Variants in UBE2Q2 observed in about 807,000 individuals in gnomAD.
UBE2Q2 encodes the protein ubiquitin-conjugating enzyme E2 Q2.
UBE2Q2 carries 54 observed loss-of-function variants against 59.9 expected under a neutral mutation model. That is an observed-to-expected ratio of 0.90 (90% confidence interval 0.72 to 1.13). The LOEUF is 1.13. Ranked by LOEUF, UBE2Q2 falls within the 50% of genes most tolerant of loss-of-function variation. The pLI is 0.00. For synonymous variants in UBE2Q2, 165 were observed against 155.2 expected (o/e 1.06, Z -0.47); for missense variants, 433 against 441.9 (o/e 0.98, Z 0.18).
chr15:75,899,523 A>G lies in UBE2Q2; in HGVS notation c.*65A>G, dbSNP rs906379449. 7.0e-7 allele frequency: 1 copy of G among 1,420,452 alleles called. No individual in the cohort carries two copies. Among genetic ancestry groups the G allele is most frequent in the Non-Finnish European group, 9.7e-7 (1 of 1,029,122 alleles). 88.0% of individuals were successfully genotyped at this position (1,420,452 alleles called of 1,614,324 possible). On this transcript the variant is annotated 3_prime_UTR_variant, in exon 13 of 13. Coordinates refer to ENST00000267938, the MANE Select transcript of UBE2Q2 (RefSeq NM_173469.4). ...AAGAAAATCTTTCTAACATGCAGACAAAAGCTTTGAGTGCCCCTATTACAG... is the reference window on the plus strand; with the variant it reads ...AAGAAAATCTTTCTAACATGCAGACGAAAGCTTTGAGTGCCCCTATTACAG...
At chr15:75,892,447 A>G (rs765296818) in intron 11 of UBE2Q2, among the ~76,000 whole-genome samples, 1 of 152,212 alleles carries the variant, frequency 6.6e-6, no homozygotes, top group Non-Finnish European at 1.5e-5. Context: ...GAAAATAGTT[A>G]TATGTGAAAT....
intron 5 of UBE2Q2, 104 bp from the exon 6 acceptor site, chr15:75,876,083 A>AAAAAT: frequency 1.8e-6 from 2 of 1,130,678 alleles, no homozygotes; most frequent in Non-Finnish European, 2.5e-6. Context: ...AAAAAAAAAA[A>AAAAAT]TGTTGAGTGG....
chr15:75,848,526 TA>T (rs1896474240), intron 1 of UBE2Q2, among the ~76,000 whole-genome samples: 1 of 152,242 alleles, frequency 6.6e-6, no homozygotes, highest in African/African-American at 2.4e-5. Context: ...GACCAATTTA[TA>T]ATATAGGGTC....
At chr15:75,891,080 C>G in intron 11 of UBE2Q2, 66 bp downstream of exon 11, 1 of 1,257,700 alleles carries the variant, frequency 8.0e-7, no homozygotes, top group Non-Finnish European at 1.1e-6. Flanking sequence ...AAGCTTTCTT[C>G]CTGTCTTGAC....
intron 12 of UBE2Q2, 53 bp from the exon 13 acceptor site, chr15:75,899,374 C>A: frequency 7.2e-7 from 1 of 1,390,594 alleles, no homozygotes; most frequent in South Asian, 1.4e-5. Context: ...CATGCCAGTT[C>A]TTCTAATTTA....
At chr15:75,844,309 G>C in intron 1 of UBE2Q2, 13 of 1,548,138 alleles carry the variant, frequency 8.4e-6, no homozygotes, top group Non-Finnish European at 9.6e-6. Flanking sequence ...CTTCCCGCTT[G>C]TTCAGCCAAT....
chr15:75,883,560 C>G lies in UBE2Q2; in HGVS notation c.884+136C>G, dbSNP rs1158486678. On this transcript the variant is annotated intron_variant, in intron 9 of 12. Transcript: ENST00000267938. Reference sequence around the variant, plus strand: ...CAAGTGATCCTCCCACCTTGGCCTCCCAAAGTGCTGGGATTACAGGCATGA... The same window carrying G: ...CAAGTGATCCTCCCACCTTGGCCTCGCAAAGTGCTGGGATTACAGGCATGA... The G allele has an allele frequency of 8.0e-6, 5 of 626,304 alleles. No homozygotes were observed. The Admixed American group carries it at 1.5e-4, about 18-fold the overall frequency. 38.8% of individuals were successfully genotyped at this position (626,304 alleles called of 1,614,324 possible). A position where few individuals can be genotyped will look rare whatever the true frequency, so the allele number is the denominator to read the frequency against.
At chr15:75,894,455 G>C (rs1185596567) in intron 11 of UBE2Q2, among the ~76,000 whole-genome samples, 2 of 152,036 alleles carry the variant, frequency 1.3e-5, no homozygotes, top group Non-Finnish European at 2.9e-5. Context: ...ATCGTGGCAG[G>C]CGCCTGTAGT....
At chr15:75,898,751 G>A (rs1899579307) in intron 12 of UBE2Q2, among the ~76,000 whole-genome samples, 1 of 152,112 alleles carries the variant, frequency 6.6e-6, no homozygotes, top group South Asian at 2.1e-4. Flanking sequence ...TTTGTTTGGG[G>A]AAATAAGTAC....
chr15:75,883,487 G>A (rs1868020), intron 9 of UBE2Q2, 63 bp downstream of exon 9: 1,300,486 of 1,309,750 alleles, frequency 0.99, 646,052 homozygotes, highest in East Asian at 1. Context: ...TTTTTTATAG[G>A]GACGAGATCT....
intron 4 of UBE2Q2, among the ~76,000 whole-genome samples, chr15:75,870,525 C>T (rs1400798882): frequency 1.3e-5 from 2 of 152,058 alleles, no homozygotes; most frequent in Non-Finnish European, 2.9e-5. Context: ...CATGAAGCAG[C>T]CATTGTACTA....
chr15:75,873,277 A>G, intron 4 of UBE2Q2, 151 bp from the exon 5 acceptor site: 1 of 562,680 alleles, frequency 1.8e-6, no homozygotes, highest in Non-Finnish European at 2.9e-6. Flanking sequence ...TCTTGAATGG[A>G]ATGTGGGGGC....
intron 1 of UBE2Q2, among the ~76,000 whole-genome samples, chr15:75,851,419 T>C (rs926109784): frequency 2.0e-5 from 3 of 152,184 alleles, no homozygotes; most frequent in African/African-American, 7.2e-5. Flanking sequence ...TTCACCGAGA[T>C]CTTCTAAATG....
At chr15:75,848,601 G>A (rs974086821) in intron 1 of UBE2Q2, among the ~76,000 whole-genome samples, 33 of 151,970 alleles carry the variant, frequency 2.2e-4, no homozygotes, top group Non-Finnish European at 1.5e-5. Flanking sequence ...GAAAGGAACA[G>A]ATATATGAAG....
chr15:75,885,560 G>A (rs986993986), intron 9 of UBE2Q2, among the ~76,000 whole-genome samples: 2 of 152,180 alleles, frequency 1.3e-5, no homozygotes, highest in Non-Finnish European at 2.9e-5. Flanking sequence ...TTACACGATA[G>A]CATCTCAGAG....
At chr15:75,850,002 AC>A (rs1339118864) in intron 1 of UBE2Q2, among the ~76,000 whole-genome samples, 1 of 152,240 alleles carries the variant, frequency 6.6e-6, no homozygotes, top group African/African-American at 2.4e-5. Context: ...TATCAAAATT[AC>A]AAAACTTAAA....
In UBE2Q2 at chr15:75,850,808, G is replaced by A. The variant is rs1595853424; in HGVS notation, c.181-3578G>A. On this transcript the variant is annotated intron_variant, in intron 1 of 12. Coordinates refer to ENST00000267938, the MANE Select transcript of UBE2Q2 (RefSeq NM_173469.4). ...AATATATTCAGCACTTAAGGGCTTTGGTTTATGTAAGTTACGTCTATTGGT... is the reference window on the plus strand; with the variant it reads ...AATATATTCAGCACTTAAGGGCTTTAGTTTATGTAAGTTACGTCTATTGGT... Among the ~76,000 whole-genome samples, 3 of 152,098 alleles carry A rather than the reference G, an allele frequency of 2.0e-5. No individual in the cohort carries two copies. In the South Asian group the frequency reaches 6.2e-4, roughly 31 times the overall value.
intron 7 of UBE2Q2, 91 bp downstream of exon 7, chr15:75,878,112 A>G (rs1194663063): frequency 3.7e-6 from 4 of 1,076,044 alleles, no homozygotes; most frequent in Admixed American, 4.7e-5. Context: ...CCTTTATACT[A>G]TGGCTTTTAC....
chr15:75,877,159 CAAAAAAA>C (rs59289858), intron 6 of UBE2Q2, among the ~76,000 whole-genome samples: 3 of 67,666 alleles, frequency 4.4e-5, no homozygotes, highest in African/African-American at 5.7e-5. Context: ...GAGACTCTGT[CAAAAAAA>C]AAAAAAAAAA....
Sources: allele counts gnomAD v4.1 joint callset (sites outside exome capture counted in the v4.1 genomes callset), GRCh38; gene constraint gnomAD v4.1.1; transcripts MANE v1.5; gene names NCBI Gene and HGNC (gene_info 2026-07-23, HGNC 2026-07-21).